Variants in SLC15A1 observed in about 807,000 individuals in gnomAD.
SLC15A1 encodes the protein solute carrier family 15 member 1.
A neutral mutation model predicts 92.9 loss-of-function variants in SLC15A1; 83 were observed. The ratio of observed to expected loss-of-function variants is 0.89; its 90% CI spans 0.75 to 1.07. The LOEUF is 1.07. SLC15A1 is among the 50% of genes least tolerant of loss of function. The probability of loss-of-function intolerance (pLI) is 0.00; values close to 1 mark genes in which losing one functional copy is unlikely to be tolerated. For synonymous variants in SLC15A1, 322 were observed against 318.2 expected, an observed-to-expected ratio of 1.01 and a Z score of -0.13; for missense variants, 857 against 880.1, an observed-to-expected ratio of 0.97 and a Z score of 0.33.
intron 18 of SLC15A1, among the ~76,000 whole-genome samples, chr13:98,696,754 C>G (rs2088024931): frequency 1.3e-5 from 2 of 152,174 alleles, no homozygotes; most frequent in Non-Finnish European, 1.5e-5. Context: ...AATGGTGTCG[C>G]TCTCAAATTC....
At chr13:98,704,569 G>T in intron 16 of SLC15A1, 134 bp from the exon 17 acceptor site, 1 of 910,876 alleles carries the variant, frequency 1.1e-6, no homozygotes. Flanking sequence ...AATGCCTGTG[G>T]GGAGTTGGCC....
At chr13:98,702,967 CAAAAAAAAAAAAAA>C (rs535486738) in intron 17 of SLC15A1, among the ~76,000 whole-genome samples, 6 of 77,688 alleles carry the variant, frequency 7.7e-5, no homozygotes, top group African/African-American at 1.3e-4. Flanking sequence ...GATCCTGTCT[CAAAAAAAAAAAAAA>C]AAAAAAAAAA....
At chr13:98,698,386 A>G (rs1228629094) in intron 18 of SLC15A1, among the ~76,000 whole-genome samples, 1 of 152,192 alleles carries the variant, frequency 6.6e-6, no homozygotes, top group Non-Finnish European at 1.5e-5. Flanking sequence ...TGAGATGAAA[A>G]GTAAAAGTCC....
At chr13:98,717,140 G>A (rs1293556264) in intron 8 of SLC15A1, among the ~76,000 whole-genome samples, 2 of 152,140 alleles carry the variant, frequency 1.3e-5, no homozygotes, top group Non-Finnish European at 2.9e-5. Context: ...TAAAAACACC[G>A]ATAGCTTGAA....
intron 18 of SLC15A1, among the ~76,000 whole-genome samples, chr13:98,700,690 A>C (rs1303215130): frequency 6.6e-6 from 1 of 152,074 alleles, no homozygotes; most frequent in Non-Finnish European, 1.5e-5. Context: ...GTTTTCATAT[A>C]AGATGTGTAA....
chr13:98,729,584 G>C (rs2088331123), intron 1 of SLC15A1, among the ~76,000 whole-genome samples: 1 of 152,222 alleles, frequency 6.6e-6, no homozygotes, highest in African/African-American at 2.4e-5. Context: ...ATCCAGAGCA[G>C]ACACCGAATA....
chr13:98,689,924 G>A (rs1365161607), intron 18 of SLC15A1, among the ~76,000 whole-genome samples: 2 of 152,226 alleles, frequency 1.3e-5, no homozygotes, highest in Non-Finnish European at 2.9e-5. Context: ...TCATATGGAA[G>A]CAGGTGAATT....
At chr13:98,737,136 A>G (rs2088401319) in intron 1 of SLC15A1, among the ~76,000 whole-genome samples, 1 of 152,248 alleles carries the variant, frequency 6.6e-6, no homozygotes, top group South Asian at 2.1e-4. Flanking sequence ...AATGTGGCAT[A>G]TATACACCAT....
chr13:98,693,011 T>A (rs1286523242), intron 18 of SLC15A1, among the ~76,000 whole-genome samples: 1 of 151,788 alleles, frequency 6.6e-6, no homozygotes, highest in African/African-American at 2.4e-5. Context: ...AGTGCTGGGA[T>A]TATAGGCATG....
intron 1 of SLC15A1, among the ~76,000 whole-genome samples, chr13:98,748,602 C>T (rs529812638): frequency 1.3e-5 from 2 of 152,230 alleles, no homozygotes; most frequent in East Asian, 1.9e-4. Flanking sequence ...GCTATCCCTA[C>T]GTTAAGACGG....
chr13:98,715,536 C>T (rs1190352070), intron 9 of SLC15A1, among the ~76,000 whole-genome samples: 1 of 152,194 alleles, frequency 6.6e-6, no homozygotes, highest in Non-Finnish European at 1.5e-5. Flanking sequence ...ACACCTGAGA[C>T]TCTTGCTACA....
At chr13:98,752,392 T>C (rs1313827418) in intron 1 of SLC15A1, among the ~76,000 whole-genome samples, 2 of 151,944 alleles carry the variant, frequency 1.3e-5, no homozygotes, top group African/African-American at 4.8e-5. Context: ...TCTGGGCACC[T>C]CTGGCTTCCG....
chr13:98,684,971 C>T (rs757596143), intron 22 of SLC15A1, 56 bp from the exon 23 acceptor site: 20 of 1,443,012 alleles, frequency 1.4e-5, no homozygotes, highest in Non-Finnish European at 1.9e-5. Flanking sequence ...ACAGGTCATA[C>T]TGATGAATAT....
intron 18 of SLC15A1, among the ~76,000 whole-genome samples, chr13:98,693,567 T>A (rs1036255337): frequency 6.6e-6 from 1 of 152,252 alleles, no homozygotes; most frequent in South Asian, 2.1e-4. Flanking sequence ...AAAATTGGGT[T>A]GTCTTTTTAG....
chr13:98,734,048 C>A (rs1241088086), intron 1 of SLC15A1, among the ~76,000 whole-genome samples: 1 of 152,204 alleles, frequency 6.6e-6, no homozygotes, highest in Non-Finnish European at 1.5e-5. Flanking sequence ...TCACTGCAAC[C>A]TCCGCCTCCC....
rs529280990 is a variant in SLC15A1 at position 98,707,013 on chromosome 13, C to T, written c.1150-760G>A. On this transcript the variant is annotated intron_variant, in intron 15 of 22. Coordinates refer to ENST00000376503, the MANE Select transcript of SLC15A1 (RefSeq NM_005073.4). ...TGGAAGCCCAGTCCCCAGCCCTAGA[C>T]GCAGCAGTGTACACATCTCACAAAT... Among the ~76,000 whole-genome samples, 6 of 152,342 alleles carry T rather than the reference C, an allele frequency of 3.9e-5. 1 individual carries two copies. Among genetic ancestry groups the T allele is most frequent in the Admixed American group, 1.3e-4 (2 of 15,290 alleles).
rs1024333520 is a variant in SLC15A1, at chr13:98,725,976, G to A, written c.245+147C>T. The A allele has an allele frequency of 8.0e-6, 8 of 1,001,610 alleles. No homozygotes were observed. The African/African-American group carries it at 1.3e-4, about 16-fold the overall frequency. 62.0% of individuals were successfully genotyped at this position (1,001,610 alleles called of 1,614,324 possible). ...CTGCCTCAGCCTCTCAAAGTGCTGGGATTACAGGTATGAACCATACCACAC... is the reference window on the plus strand; with the variant it reads ...CTGCCTCAGCCTCTCAAAGTGCTGGAATTACAGGTATGAACCATACCACAC... On this transcript the variant is annotated intron_variant, in intron 4 of 22. Coordinates refer to ENST00000376503, the MANE Select transcript of SLC15A1 (RefSeq NM_005073.4).
intron 1 of SLC15A1, 22 bp downstream of exon 1, chr13:98,752,573 G>GC (rs1428946742): frequency 1.6e-6 from 2 of 1,260,406 alleles, no homozygotes; most frequent in Non-Finnish European, 2.0e-6. Context: ...AGCCCGGCCG[G>GC]CCCCCCACCC....
chr13:98,686,348 A>T (rs370989093), intron 21 of SLC15A1, 51 bp from the exon 22 acceptor site: 11 of 1,270,574 alleles, frequency 8.7e-6, no homozygotes, highest in African/African-American at 2.9e-5. Flanking sequence ...CCCTCCGAGC[A>T]GGAGAACACA....
Sources: gnomAD v4.1 joint callset for allele counts (sites outside exome capture counted in the v4.1 genomes callset) on GRCh38, gnomAD v4.1.1 for gene constraint, MANE v1.5 for transcripts, NCBI Gene and HGNC (gene_info 2026-07-23, HGNC 2026-07-21) for gene names.